MTMR9: variants seen among roughly 807,000 people sequenced by gnomAD.
MTMR9 encodes the protein myotubularin-related protein 9.
MTMR9 carries 39 observed loss-of-function variants against 69.5 expected under a neutral mutation model. The ratio of observed to expected loss-of-function variants is 0.56; its 90% confidence interval spans 0.43 to 0.73. MTMR9 has a LOEUF of 0.73. Ranked by LOEUF, MTMR9 falls within the 30% of genes least tolerant of loss-of-function variation. The pLI is 0.00. For missense variants in MTMR9, 900 were observed against 671.2 expected (o/e 1.34, Z -3.77); for synonymous variants, 354 against 240.8 (o/e 1.47, Z -4.35).
intron 1 of MTMR9, among the ~76,000 whole-genome samples, chr8:11,287,703 TTATA>T (rs200639913): frequency 0.032 from 4,475 of 137,726 alleles, 272 homozygotes; most frequent in African/African-American, 0.12. Flanking sequence ...TTATTATATA[TTATA>T]TATATTATAA....
intron 2 of MTMR9, among the ~76,000 whole-genome samples, chr8:11,295,628 A>G (rs1480943678): frequency 6.6e-6 from 1 of 152,160 alleles, no homozygotes; most frequent in Admixed American, 6.5e-5. Flanking sequence ...ATGAGTTCTT[A>G]TTTGGGGAAA....
chr8:11,308,936 T>A (rs982514571), intron 5 of MTMR9, among the ~76,000 whole-genome samples: 2 of 152,204 alleles, frequency 1.3e-5, no homozygotes, highest in African/African-American at 4.8e-5. Context: ...AGATCAGCAG[T>A]TGCTACACTG....
chr8:11,319,995 C>A, intron 9 of MTMR9, 157 bp downstream of exon 9: 3 of 604,736 alleles, frequency 5.0e-6, no homozygotes, highest in Non-Finnish European at 7.8e-6. Context: ...TTTTCTCTTT[C>A]AAATCAGTTA....
intron 1 of MTMR9, among the ~76,000 whole-genome samples, chr8:11,293,509 T>A (rs902786941): frequency 3.3e-5 from 5 of 152,230 alleles, no homozygotes; most frequent in African/African-American, 1.2e-4. Context: ...GGCTTACCTT[T>A]TCATGCTCTT....
At position 11,324,628 on chromosome 8, in the gene MTMR9, A is replaced by G. The variant is rs74984782; in HGVS notation, c.*1840A>G. ...TCTTCTCTTTTTGTCTCAAGATTGT[A>G]TATGAAGGAGGCTTTTCTTCTCAGC... On this transcript the variant is annotated 3_prime_UTR_variant, in exon 10 of 10. Transcript: ENST00000221086. 3,047 of 151,982 alleles carry G rather than the reference A, an allele frequency of 0.02. 117 individuals are homozygous for G. The highest frequency in any genetic ancestry group is 0.071 in the African/African-American group (2,929 of 41,446). 9.4% of individuals were successfully genotyped at this position (151,982 alleles called of 1,614,324 possible). A position where few individuals can be genotyped will look rare whatever the true frequency, so the allele number is the denominator to read the frequency against.
At chr8:11,318,123 T>C (rs1179121081) in intron 8 of MTMR9, 5 of 152,228 alleles carry the variant, frequency 3.3e-5, no homozygotes, top group Non-Finnish European at 7.3e-5. Context: ...GATGAATTTT[T>C]TTTGGTGTTA....
chr8:11,304,794 C>T (rs1290130661), intron 3 of MTMR9, 47 bp from the exon 4 acceptor site: 12 of 1,572,662 alleles, frequency 7.6e-6, no homozygotes, highest in African/African-American at 1.4e-5. Flanking sequence ...GATTATTTTG[C>T]GACATTGAGA....
intron 3 of MTMR9, among the ~76,000 whole-genome samples, chr8:11,302,118 T>C (rs1799765524): frequency 6.6e-6 from 1 of 151,730 alleles, no homozygotes; most frequent in African/African-American, 2.4e-5. Flanking sequence ...CTAGGTGTGA[T>C]AATGTGTGTC....
At chr8:11,334,585 A>C in the MTMR9 span, among the ~76,000 whole-genome samples, 2 of 152,118 alleles carry the variant, frequency 1.3e-5, no homozygotes, top group Non-Finnish European at 2.9e-5. Context: ...CACAAAAGAC[A>C]GTCATTATGG....
the MTMR9 span, among the ~76,000 whole-genome samples, chr8:11,333,626 T>C: frequency 7.2e-5 from 11 of 152,310 alleles, no homozygotes; most frequent in Non-Finnish European, 1.2e-4. Flanking sequence ...ATTATAACTT[T>C]AGTTTATAAC....
intron 1 of MTMR9, 128 bp downstream of exon 1, chr8:11,285,198 C>G (rs1289736606): frequency 4.3e-6 from 4 of 938,660 alleles, no homozygotes; most frequent in Non-Finnish European, 6.1e-6. Flanking sequence ...CCCTCTGTGG[C>G]CTAGAATCAG....
intron 1 of MTMR9, among the ~76,000 whole-genome samples, chr8:11,292,026 G>A (rs1799394860): frequency 6.6e-6 from 1 of 152,058 alleles, no homozygotes; most frequent in Non-Finnish European, 1.5e-5. Context: ...AAGTTTTGTG[G>A]TGCCCTTTCG....
chr8:11,311,708 G>C (rs939416177), intron 6 of MTMR9, among the ~76,000 whole-genome samples: 1 of 152,148 alleles, frequency 6.6e-6, no homozygotes, highest in Non-Finnish European at 1.5e-5. Flanking sequence ...TCTTAGACAA[G>C]ACAGCAATGA....
intron 1 of MTMR9, among the ~76,000 whole-genome samples, chr8:11,294,499 A>ATTTTTTTTTTTTTTTTTT (rs1799478410): frequency 1.2e-5 from 1 of 83,794 alleles, no homozygotes; most frequent in African/African-American, 9.7e-5. Context: ...AAATACTTTC[A>ATTTTTTTTTTTTTTTTTT]CTTTTTTTTT....
chr8:11,319,506 A>G (rs1205445682), intron 8 of MTMR9, 181 bp from the exon 9 acceptor site: 2 of 605,492 alleles, frequency 3.3e-6, no homozygotes, highest in Non-Finnish European at 5.7e-6. Context: ...TGTTGTTGAG[A>G]GTTCTAATGC....
At chr8:11,298,620 G>C (rs1039093999) in intron 2 of MTMR9, 3 of 349,174 alleles carry the variant, frequency 8.6e-6, no homozygotes, top group Non-Finnish European at 1.2e-5. Flanking sequence ...AGTGCATTCT[G>C]AGCATTGCTG....
chr8:11,319,451 C>G (rs1800569246), intron 8 of MTMR9: 2 of 491,940 alleles, frequency 4.1e-6, no homozygotes, highest in South Asian at 2.4e-5. Context: ...TGTTTTTATC[C>G]TCCTGCCAGC....
chr8:11,334,371 C>G, the MTMR9 span, among the ~76,000 whole-genome samples: 2 of 152,190 alleles, frequency 1.3e-5, no homozygotes, highest in East Asian at 3.9e-4. Flanking sequence ...ACATCAATAA[C>G]AAAGGGCGTG....
At chr8:11,311,193 C>G (rs1800183797) in intron 6 of MTMR9, among the ~76,000 whole-genome samples, 1 of 152,132 alleles carries the variant, frequency 6.6e-6, no homozygotes, top group Admixed American at 6.5e-5. Context: ...AGGTTTTATC[C>G]TGAGAATGGG....
Sources: gnomAD v4.1 joint callset for allele counts (sites outside exome capture counted in the v4.1 genomes callset) on GRCh38, gnomAD v4.1.1 for gene constraint, MANE v1.5 for transcripts, NCBI Gene and HGNC (gene_info 2026-07-23, HGNC 2026-07-21) for gene names.